S100A8: variants seen among roughly 807,000 people sequenced by gnomAD.
S100A8 encodes the protein S100 calcium binding protein A8.
A neutral mutation model predicts 4.2 loss-of-function variants in S100A8; 1 was observed. The observed-to-expected ratio is 0.24, with a 90% CI of 0.08 to 1.12. The LOEUF (loss-of-function observed/expected upper bound fraction) is 1.12. S100A8 is among the 50% of genes most tolerant of loss of function. The pLI, the probability that S100A8 is intolerant of heterozygous loss-of-function variation, is 0.53. For missense variants in S100A8, 96 were observed against 111.8 expected, an observed-to-expected ratio of 0.86 and a Z score of 0.64; for synonymous variants, 41 against 44.7, an observed-to-expected ratio of 0.92 and a Z score of 0.33.
rs1351870781 is a variant in S100A8, at chr1:153,390,089, G to A, written c.*14C>T. 7.5e-6 allele frequency: 12 copies of A among 1,607,156 alleles called. No homozygotes were observed. The highest frequency in any genetic ancestry group is 1.0e-5 in the Non-Finnish European group (12 of 1,176,108). Reference sequence around the variant, plus strand: ...ACATGTCCAGGGGCCCAGCCTCTGGGCCCAGTAACTCAGCTACTCTTTGTG... The same window carrying A: ...ACATGTCCAGGGGCCCAGCCTCTGGACCCAGTAACTCAGCTACTCTTTGTG... On this transcript the variant is annotated 3_prime_UTR_variant, in exon 3 of 3. Coordinates refer to ENST00000368733, the MANE Select transcript of S100A8 (RefSeq NM_002964.5).
chr1:153,390,305 C>A, intron 2 of S100A8, 62 bp from the exon 3 acceptor site: 2 of 1,601,748 alleles, frequency 1.2e-6, no homozygotes, highest in South Asian at 2.2e-5. Context: ...CGAGGCATAG[C>A]CATCTATGAA....
chr1:153,418,982 G>A, the S100A8 span, among the ~76,000 whole-genome samples: 10 of 152,066 alleles, frequency 6.6e-5, no homozygotes, highest in South Asian at 4.1e-4. Flanking sequence ...TAACACTCAC[G>A]TCCTCACCCC....
the S100A8 span, among the ~76,000 whole-genome samples, chr1:153,410,195 G>A: frequency 4.6e-5 from 7 of 152,082 alleles, no homozygotes; most frequent in Non-Finnish European, 1.0e-4. Flanking sequence ...CCAGGAGCTG[G>A]TTTTTTGAAA....
chr1:153,414,641 G>A, the S100A8 span, among the ~76,000 whole-genome samples: 1 of 152,190 alleles, frequency 6.6e-6, no homozygotes, highest in South Asian at 2.1e-4. Flanking sequence ...GGAGCAACAG[G>A]AACTCTCATT....
At chr1:153,409,230 C>G in the S100A8 span, among the ~76,000 whole-genome samples, 1 of 152,094 alleles carries the variant, frequency 6.6e-6, no homozygotes, top group African/African-American at 2.4e-5. Flanking sequence ...ATTCAGGAGA[C>G]CTATCTCAGG....
At chr1:153,418,313 A>G in the S100A8 span, 1 of 1,530,436 alleles carries the variant, frequency 6.5e-7, no homozygotes. Flanking sequence ...GGTCACCCTC[A>G]TCCTCTGATT....
At chr1:153,398,279 G>C in the S100A8 span, among the ~76,000 whole-genome samples, 1 of 152,358 alleles carries the variant, frequency 6.6e-6, no homozygotes, top group Admixed American at 6.5e-5. Context: ...CCTGAGGGCT[G>C]TCTAAGCCCG....
chr1:153,398,650 T>C, the S100A8 span, among the ~76,000 whole-genome samples: 71 of 152,324 alleles, frequency 4.7e-4, no homozygotes, highest in African/African-American at 1.7e-3. Flanking sequence ...CAGTGCTCCC[T>C]GGACTCTACA....
At chr1:153,398,592 A>C in the S100A8 span, among the ~76,000 whole-genome samples, 1 of 151,572 alleles carries the variant, frequency 6.6e-6, no homozygotes, top group Non-Finnish European at 1.5e-5. Context: ...GTGACCTCCC[A>C]CTCCCCACTT....
At chr1:153,405,585 C>T in the S100A8 span, among the ~76,000 whole-genome samples, 21 of 152,182 alleles carry the variant, frequency 1.4e-4, no homozygotes, top group South Asian at 2.1e-4. Context: ...AGGTCCAAAC[C>T]GCCTGATCAC....
chr1:153,410,033 A>T, the S100A8 span, among the ~76,000 whole-genome samples: 1 of 152,256 alleles, frequency 6.6e-6, no homozygotes. Context: ...AGCAGGAAAG[A>T]TCTAAAATTG....
chr1:153,403,328 G>T, the S100A8 span, among the ~76,000 whole-genome samples: 3 of 152,196 alleles, frequency 2.0e-5, no homozygotes, highest in African/African-American at 7.2e-5. Flanking sequence ...CCAGCATCAT[G>T]TGTTGGAAAG....
In S100A8 at chr1:153,390,624, G is replaced by GT. The variant is rs1206610431; in HGVS notation, c.-22-68_-22-67insA. 3 of 1,570,958 alleles carry GT rather than the reference G, an allele frequency of 1.9e-6. No individual in the cohort carries two copies. In the African/African-American group the frequency reaches 4.0e-5, roughly 21 times the overall value. Reference sequence around the variant, plus strand: ...TTGCATCTGGCCAGGGCAGTACGCAGAGGATTCATGCCCCAAGCGATGGCC... The same window carrying GT: ...TTGCATCTGGCCAGGGCAGTACGCAGTAGGATTCATGCCCCAAGCGATGGCC... On this transcript the variant is annotated intron_variant, in intron 1 of 2. Coordinates refer to ENST00000368733, the MANE Select transcript of S100A8 (RefSeq NM_002964.5).
chr1:153,418,108 C>T, the S100A8 span: 2 of 1,614,124 alleles, frequency 1.2e-6, no homozygotes, highest in African/African-American at 1.3e-5. Flanking sequence ...GCTGAGAGGT[C>T]CATAATAGGC....
the S100A8 span, among the ~76,000 whole-genome samples, chr1:153,404,041 A>G: frequency 2.6e-5 from 4 of 152,200 alleles, no homozygotes; most frequent in South Asian, 2.1e-4. Context: ...AAGAGTTCAC[A>G]GGACTCAGGG....
chr1:153,416,469 G>A, the S100A8 span: 11 of 376,368 alleles, frequency 2.9e-5, no homozygotes, highest in Middle Eastern at 8.6e-4. Flanking sequence ...CTCCCAACCC[G>A]TGGGAAGAGC....
chr1:153,403,791 T>C, the S100A8 span, among the ~76,000 whole-genome samples: 1 of 152,218 alleles, frequency 6.6e-6, no homozygotes, highest in Non-Finnish European at 1.5e-5. Context: ...ATTTCCTTTT[T>C]TTAAAATCCC....
intron 2 of S100A8, 53 bp from the exon 3 acceptor site, chr1:153,390,296 G>A (rs888592743): frequency 3.4e-5 from 54 of 1,601,894 alleles, no homozygotes; most frequent in South Asian, 2.1e-4. Flanking sequence ...AGAGAGAGCC[G>A]AGGCATAGCC....
At chr1:153,418,110 A>T in the S100A8 span, 3 of 1,614,226 alleles carry the variant, frequency 1.9e-6, no homozygotes, top group Non-Finnish European at 2.5e-6. Flanking sequence ...TGAGAGGTCC[A>T]TAATAGGCAT....
Sources: allele counts gnomAD v4.1 joint callset (sites outside exome capture counted in the v4.1 genomes callset), GRCh38; gene constraint gnomAD v4.1.1; transcripts MANE v1.5; gene names NCBI Gene and HGNC (gene_info 2026-07-23, HGNC 2026-07-21).